HSDL2: variants seen among roughly 807,000 people sequenced by gnomAD.
HSDL2 encodes hydroxysteroid dehydrogenase like 2.
In HSDL2, 27 loss-of-function variants were observed where a neutral mutation model predicts 46.3. The ratio of observed to expected loss-of-function variants is 0.58; its 90% confidence interval spans 0.43 to 0.80. The LOEUF (loss-of-function observed/expected upper bound fraction) is 0.80, where lower values mean the gene tolerates loss of function less well. Ranked by LOEUF, HSDL2 falls within the 30% of genes least tolerant of loss-of-function variation. The pLI is 0.00. For synonymous variants in HSDL2, 153 were observed against 163.6 expected (o/e 0.94, Z 0.50); for missense variants, 451 against 502.7 (o/e 0.90, Z 0.98).
intron 5 of HSDL2, 132 bp from the exon 6 acceptor site, chr9:112,418,728 C>T (rs571926029): frequency 9.3e-6 from 4 of 430,884 alleles, no homozygotes; most frequent in Non-Finnish European, 1.7e-5. Flanking sequence ...TATACACATA[C>T]ATATGTATAT....
At chr9:112,468,991 C>T (rs927366720) in intron 10 of HSDL2, among the ~76,000 whole-genome samples, 21 of 152,078 alleles carry the variant, frequency 1.4e-4, no homozygotes, top group Non-Finnish European at 8.8e-5. Context: ...TGTTTTTGGA[C>T]GGGCTGTTCT....
Position 112,405,893 on chromosome 9 carries a change from G to A in HSDL2, c.280+171G>A, listed in dbSNP as rs7851075. 0.23 allele frequency among the ~76,000 whole-genome samples: 34,349 copies of A among 152,152 alleles called. 4,144 individuals are homozygous for A. The highest frequency in any genetic ancestry group is 0.36 in the Middle Eastern group (105 of 294). On this transcript the variant is annotated intron_variant, in intron 3 of 10. Coordinates refer to ENST00000398805, the MANE Select transcript of HSDL2 (RefSeq NM_032303.5). ...CCATCTGATAAGGCTGGGCGTGGTG[G>A]CTCACACCTGTAATCCCAGCACTTT...
intron 1 of HSDL2, among the ~76,000 whole-genome samples, chr9:112,396,288 A>G (rs1831455126): frequency 6.6e-6 from 1 of 152,130 alleles, no homozygotes; most frequent in African/African-American, 2.4e-5. Context: ...AACCCCTACT[A>G]GTCCCATTTT....
At chr9:112,424,662 G>A (rs901466046) in intron 6 of HSDL2, among the ~76,000 whole-genome samples, 1 of 151,906 alleles carries the variant, frequency 6.6e-6, no homozygotes, top group Non-Finnish European at 1.5e-5. Flanking sequence ...GCCCTTTAGA[G>A]TATATAAGTC....
intron 1 of HSDL2, among the ~76,000 whole-genome samples, chr9:112,388,290 GTC>G: frequency 6.6e-6 from 1 of 151,872 alleles, no homozygotes; most frequent in South Asian, 2.1e-4. Flanking sequence ...GTGAAATCCC[GTC>G]TCTACTAAAA....
intron 1 of HSDL2, among the ~76,000 whole-genome samples, chr9:112,400,372 G>A (rs1001934862): frequency 4.6e-5 from 7 of 152,194 alleles, no homozygotes; most frequent in African/African-American, 1.7e-4. Context: ...ACTTTGGGAG[G>A]CCGAGGTGGG....
At chr9:112,397,218 G>A (rs1028971588) in intron 1 of HSDL2, among the ~76,000 whole-genome samples, 42 of 152,244 alleles carry the variant, frequency 2.8e-4, no homozygotes, top group African/African-American at 9.9e-4. Flanking sequence ...TTTGATTGCC[G>A]TCCTTCATAG....
In HSDL2 at chr9:112,454,043, T is replaced by C; in HGVS notation, c.896T>C (p.Leu299Pro). 2 of 1,613,996 alleles carry C rather than the reference T, an allele frequency of 1.2e-6. No individual in the cohort carries two copies. The highest frequency in any genetic ancestry group is 1.7e-6 in the Non-Finnish European group (2 of 1,179,950). The change falls in exon 9 of 11, where the codon CTG becomes CCG. Residue 299 changes from leucine (L) to proline (P), a missense_variant. Transcript: ENST00000398805. Reference protein sequence around the residue: ...GAVPEFKEEKLQLQPKPRSGA... With the variant: ...GAVPEFKEEKPQLQPKPRSGA... ...GTTCCAGAATTCAAAGAAGAGAAAC[T>C]GCAGCTGCAACCAAAACCACGTTCT...
chr9:112,383,720 G>A (rs1009609360), intron 1 of HSDL2, among the ~76,000 whole-genome samples: 2 of 152,018 alleles, frequency 1.3e-5, no homozygotes, highest in Non-Finnish European at 2.9e-5. Flanking sequence ...TTAATTAATT[G>A]AGACAGGGCC....
chr9:112,441,793 TGTTAG>T, intron 8 of HSDL2, 23 bp downstream of exon 8: 2 of 1,404,956 alleles, frequency 1.4e-6, no homozygotes, highest in Non-Finnish European at 2.0e-6. Flanking sequence ...CTATATTTTA[TGTTAG>T]AAAATATAAA....
chr9:112,435,576 C>A (rs1307254746), intron 6 of HSDL2, among the ~76,000 whole-genome samples: 1 of 151,934 alleles, frequency 6.6e-6, no homozygotes, highest in Non-Finnish European at 1.5e-5. Flanking sequence ...CTTCACTGCT[C>A]CTATTTATAA....
chr9:112,381,639 C>A (rs1831099431), intron 1 of HSDL2, among the ~76,000 whole-genome samples: 1 of 152,164 alleles, frequency 6.6e-6, no homozygotes, highest in Non-Finnish European at 1.5e-5. Context: ...CAGGCGTAAG[C>A]CACTGCGCCT....
intron 6 of HSDL2, among the ~76,000 whole-genome samples, chr9:112,425,873 G>C (rs187820001): frequency 6.6e-6 from 1 of 151,742 alleles, no homozygotes; most frequent in African/African-American, 2.4e-5. Context: ...AACCACAGGT[G>C]CATACCACCA....
rs74955008 is a variant in HSDL2, at chr9:112,455,937, T to C, written c.1015+1775T>C. On this transcript the variant is annotated intron_variant, in intron 9 of 10. Coordinates refer to ENST00000398805, the MANE Select transcript of HSDL2 (RefSeq NM_032303.5). ...AGTGCATCTCAAGCTCTAATGTCTA[T>C]ACCAAGTACCTGGGATCTTCCTAAA... Among the ~76,000 whole-genome samples the C allele has an allele frequency of 2.6e-3, 393 of 152,306 alleles. 2 individuals carry two copies. Among genetic ancestry groups the C allele is most frequent in the Non-Finnish European group, 4.0e-3 (269 of 68,028 alleles).
chr9:112,416,204 G>GT (rs1256577045), intron 4 of HSDL2, among the ~76,000 whole-genome samples: 2 of 151,696 alleles, frequency 1.3e-5, no homozygotes, highest in Admixed American at 1.3e-4. Context: ...GAGTCCAGGA[G>GT]TTTGAGACAC....
chr9:112,382,637 T>A (rs1831123774), intron 1 of HSDL2, among the ~76,000 whole-genome samples: 1 of 152,176 alleles, frequency 6.6e-6, no homozygotes, highest in Non-Finnish European at 1.5e-5. Context: ...TCACAAGCAT[T>A]CCGTACAACA....
intron 10 of HSDL2, among the ~76,000 whole-genome samples, 171 bp from the exon 11 acceptor site, chr9:112,470,261 T>C (rs1833534293): frequency 6.6e-6 from 1 of 152,204 alleles, no homozygotes. Context: ...AACATCTAAG[T>C]CTAGGAATTG....
chr9:112,448,802 G>A (rs1005504364), intron 8 of HSDL2, among the ~76,000 whole-genome samples: 7 of 151,774 alleles, frequency 4.6e-5, no homozygotes, highest in South Asian at 2.1e-4. Flanking sequence ...TGATCCACCC[G>A]CCTTGGCCTC....
intron 6 of HSDL2, among the ~76,000 whole-genome samples, chr9:112,435,053 C>G (rs1832492847): frequency 6.6e-6 from 1 of 151,870 alleles, no homozygotes; most frequent in Admixed American, 6.6e-5. Context: ...TTATTGTTAC[C>G]AGTTTTTTCT....
Sources: gnomAD v4.1 joint callset for allele counts (sites outside exome capture counted in the v4.1 genomes callset) on GRCh38, gnomAD v4.1.1 for gene constraint, MANE v1.5 for transcripts, NCBI Gene and HGNC (gene_info 2026-07-23, HGNC 2026-07-21) for gene names.